CUBN: variants seen among roughly 807,000 people sequenced by gnomAD.
The protein encoded by CUBN is 460 kDa receptor.
Under a neutral mutation model 405.3 loss-of-function variants are expected in CUBN, and 282 were observed. That is an observed-to-expected ratio of 0.70 (90% CI 0.63 to 0.77). CUBN has a LOEUF of 0.77. Among genes scored for constraint, CUBN ranks in the 30% least tolerant of loss-of-function variants. The probability of loss-of-function intolerance (pLI) is 0.00; values close to 1 mark genes in which losing one functional copy is unlikely to be tolerated. For missense variants in CUBN, 4,514 were observed against 4,475.2 expected (o/e 1.01, Z -0.25); for synonymous variants, 1,684 against 1,617.0 (o/e 1.04, Z -0.99).
At chr10:17,106,843 T>A (rs1417124937) in intron 10 of CUBN, among the ~76,000 whole-genome samples, 1 of 152,196 alleles carries the variant, frequency 6.6e-6, no homozygotes, top group African/African-American at 2.4e-5. Flanking sequence ...TGCTGCCAGT[T>A]TTAAACAGGC....
chr10:16,839,753 A>C (rs1321504928), intron 62 of CUBN, among the ~76,000 whole-genome samples: 1 of 151,172 alleles, frequency 6.6e-6, no homozygotes, highest in Non-Finnish European at 1.5e-5. Context: ...GCTGCTATAA[A>C]GACACATGCA....
At chr10:16,912,077 C>T (rs1841749892) in intron 48 of CUBN, among the ~76,000 whole-genome samples, 1 of 152,078 alleles carries the variant, frequency 6.6e-6, no homozygotes, top group Non-Finnish European at 1.5e-5. Context: ...TCCAAAATTT[C>T]CTGGCTCTCA....
chr10:17,068,330 G>C (rs759910451), intron 20 of CUBN, 50 bp from the exon 21 acceptor site: 2 of 1,562,602 alleles, frequency 1.3e-6, no homozygotes, highest in East Asian at 4.5e-5. Context: ...AAGCTACCTG[G>C]ATTTCAAATT....
At chr10:17,057,538 C>A (rs962738382) in intron 22 of CUBN, among the ~76,000 whole-genome samples, 1 of 152,034 alleles carries the variant, frequency 6.6e-6, no homozygotes, top group East Asian at 1.9e-4. Flanking sequence ...AACAATTTGG[C>A]ACTTTCTTAT....
intron 14 of CUBN, among the ~76,000 whole-genome samples, chr10:17,090,572 A>G (rs988019251): frequency 1.1e-4 from 16 of 152,142 alleles, no homozygotes; most frequent in South Asian, 2.1e-4. Context: ...TGAGCTGACA[A>G]CCATAGAGAG....
At chr10:17,011,105 G>A (rs1408818102) in intron 28 of CUBN, among the ~76,000 whole-genome samples, 1 of 152,166 alleles carries the variant, frequency 6.6e-6, no homozygotes, top group Admixed American at 6.5e-5. Context: ...ACACCAATGA[G>A]CTCTAGCATC....
In CUBN at chr10:16,984,278, A is replaced by G; in HGVS notation, c.4352T>C (p.Ile1451Thr). 6.2e-7 allele frequency: 1 copy of G among 1,613,920 alleles called. No homozygotes were observed. Among genetic ancestry groups the G allele is most frequent in the Non-Finnish European group, 8.5e-7 (1 of 1,179,824 alleles). Residue 1451 changes from isoleucine to threonine, a missense_variant and splice_region_variant, in exon 30 of 67, where the codon ATC (isoleucine) becomes ACC (threonine). Ile to Thr is a moderately conservative substitution (Grantham distance 89). Coordinates refer to ENST00000377833, the MANE Select transcript of CUBN (RefSeq NM_001081.4). ...HSRCNFDVLE[I>T]YGGPDFHSPR... is the part of the protein sequence containing the mutation. ...AGAGTGGAAATCGGGGCCTCCATAG[A>G]TCTAACATGGGATGTAGGAAAAAAG...
At chr10:16,993,171 A>G (rs1833642242) in intron 28 of CUBN, among the ~76,000 whole-genome samples, 1 of 152,212 alleles carries the variant, frequency 6.6e-6, no homozygotes, top group African/African-American at 2.4e-5. Context: ...GGTTCTTTCT[A>G]TCAGTAGTAT....
chr10:17,104,431 C>G lies in CUBN; in HGVS notation c.1405G>C (p.Val469Leu), dbSNP rs780440368. The G allele has an allele frequency of 6.2e-7, 1 of 1,613,982 alleles. No homozygotes were observed. The highest frequency in any genetic ancestry group is 8.5e-7 in the Non-Finnish European group (1 of 1,179,950). The change falls in exon 12 of 67, where the codon GTT becomes CTT. Residue 469 changes from valine to leucine, a missense_variant. Coordinates refer to ENST00000377833, the MANE Select transcript of CUBN (RefSeq NM_001081.4). The stretch of plus-strand genomic sequence containing the variant: ...ATGCTGACTGTACCTTGCTGAGGAA[C>G]CTGACAGAGAGCTCCAGTCCAGAGA... ...TRLWTGALCQ[V>L]PQQVCGESLS...
chr10:16,912,380 T>C (rs1294616086), intron 48 of CUBN, among the ~76,000 whole-genome samples: 4 of 152,168 alleles, frequency 2.6e-5, no homozygotes, highest in Admixed American at 6.5e-5. Flanking sequence ...CACTGGGGAT[T>C]CAGTGAATCC....
chr10:16,989,075 G>C (rs529909253), intron 29 of CUBN, among the ~76,000 whole-genome samples: 2 of 152,272 alleles, frequency 1.3e-5, no homozygotes, highest in Admixed American at 6.5e-5. Flanking sequence ...ACTCTGTGGA[G>C]CTGGGAATAT....
At chr10:17,090,562 T>C (rs1836232286) in intron 14 of CUBN, among the ~76,000 whole-genome samples, 1 of 152,084 alleles carries the variant, frequency 6.6e-6, no homozygotes, top group Admixed American at 6.6e-5. Flanking sequence ...ATAATTGCAT[T>C]GAGCTGACAA....
chr10:16,908,872 CTTTTTTTTTTT>C (rs35736503), intron 48 of CUBN, among the ~76,000 whole-genome samples: 2 of 115,418 alleles, frequency 1.7e-5, no homozygotes, highest in African/African-American at 3.2e-5. Flanking sequence ...GATGTCATCT[CTTTTTTTTTTT>C]TTTTTTTTTT....
rs10551726 is a variant in CUBN, at chr10:16,898,066, G to GTATATATATATATATA, written c.8598+914_8598+929dup. Among the ~76,000 whole-genome samples, 479 of 144,984 alleles carry GTATATATATATATATA rather than the reference G, an allele frequency of 3.3e-3. 1 individual carries two copies. The highest frequency in any genetic ancestry group is 0.011 in the African/African-American group (432 of 39,236). ...GTATATTAAATGTATTTTATTATATGTATATATATATATATATATATGTTA... is the reference window on the plus strand; with the variant it reads ...GTATATTAAATGTATTTTATTATATGTATATATATATATATATATATATATATATATATATATGTTA... On this transcript the variant is annotated intron_variant, in intron 54 of 66. Transcript: ENST00000377833.
At chr10:16,892,829 C>A (rs1241783125) in intron 54 of CUBN, among the ~76,000 whole-genome samples, 1 of 152,028 alleles carries the variant, frequency 6.6e-6, no homozygotes, top group Non-Finnish European at 1.5e-5. Context: ...ACTAAACAGG[C>A]AAAGTAAGAA....
chr10:16,892,489 AT>A (rs1189217034), intron 54 of CUBN, among the ~76,000 whole-genome samples: 1 of 151,892 alleles, frequency 6.6e-6, no homozygotes, highest in Non-Finnish European at 1.5e-5. Flanking sequence ...CTGTATATAT[AT>A]TTTATATATA....
chr10:17,080,581 G>A (rs1835946306), intron 17 of CUBN, among the ~76,000 whole-genome samples: 1 of 152,152 alleles, frequency 6.6e-6, no homozygotes, highest in East Asian at 1.9e-4. Context: ...TGTCTCTGGG[G>A]AGAGGAGGCA....
intron 28 of CUBN, among the ~76,000 whole-genome samples, chr10:17,000,583 T>C (rs1327405424): frequency 6.6e-6 from 1 of 152,246 alleles, no homozygotes; most frequent in Non-Finnish European, 1.5e-5. Flanking sequence ...ATTTATAAAA[T>C]TACCTACTAT....
At position 16,859,672 on chromosome 10, in the gene CUBN, A is replaced by G. The variant is rs192377886; in HGVS notation, c.9455-8229T>C. Among the ~76,000 whole-genome samples the G allele has an allele frequency of 6.9e-4, 105 of 152,336 alleles. 1 individual carries two copies. Among genetic ancestry groups the G allele is most frequent in the Middle Eastern group, 6.8e-3 (2 of 294 alleles). On this transcript the variant is annotated intron_variant, in intron 59 of 66. Coordinates refer to ENST00000377833, the MANE Select transcript of CUBN (RefSeq NM_001081.4). ...AAAATCAAGTCATTTTCGAAAAACA[A>G]AAACAAAGAACACTTTTTACCAGAA...
Sources: gnomAD v4.1 joint callset for allele counts (sites outside exome capture counted in the v4.1 genomes callset) on GRCh38, gnomAD v4.1.1 for gene constraint, MANE v1.5 for transcripts, NCBI Gene and HGNC (gene_info 2026-07-23, HGNC 2026-07-21) for gene names.